The following CRACD variants were observed in gnomAD, a reference collection of about 807,000 sequenced individuals.
CRACD encodes capping protein-inhibiting regulator of actin dynamics.
In CRACD, 56 loss-of-function variants were observed where a neutral mutation model predicts 106.8. That is an observed-to-expected ratio of 0.52 (90% CI 0.42 to 0.66). The LOEUF is 0.66. Ranked by LOEUF, CRACD falls within the 30% of genes least tolerant of loss-of-function variation. The pLI, the probability that CRACD is intolerant of heterozygous loss-of-function variation, is 0.00. For synonymous variants in CRACD, 754 were observed against 670.8 expected, an observed-to-expected ratio of 1.12 and a Z score of -1.92; for missense variants, 1,730 against 1,623.2, an observed-to-expected ratio of 1.07 and a Z score of -1.13.
intron 1 of CRACD, among the ~76,000 whole-genome samples, chr4:56,160,245 C>T (rs150097975): frequency 0.013 from 1,960 of 148,584 alleles, 47 homozygotes; most frequent in African/African-American, 0.046. Flanking sequence ...TGCAGTGGCG[C>T]GATCTCCACT....
chr4:56,187,326 G>A (rs1287007026), intron 2 of CRACD, among the ~76,000 whole-genome samples: 10 of 152,098 alleles, frequency 6.6e-5, no homozygotes, highest in Admixed American at 2.6e-4. Flanking sequence ...CATTCGAGCT[G>A]TCTTGAAAGA....
intron 2 of CRACD, among the ~76,000 whole-genome samples, chr4:56,231,829 G>A (rs1029513631): frequency 6.6e-6 from 1 of 152,184 alleles, no homozygotes; most frequent in Non-Finnish European, 1.5e-5. Flanking sequence ...AACTCATCAA[G>A]TGTTAAAATG....
chr4:56,307,938 A>G (rs964304933), intron 5 of CRACD, among the ~76,000 whole-genome samples: 1 of 152,122 alleles, frequency 6.6e-6, no homozygotes, highest in African/African-American at 2.4e-5. Flanking sequence ...CTTACCCTTC[A>G]AGGCTTATGC....
At chr4:56,127,102 G>C (rs991721986) in intron 1 of CRACD, among the ~76,000 whole-genome samples, 1 of 152,132 alleles carries the variant, frequency 6.6e-6, no homozygotes, top group Non-Finnish European at 1.5e-5. Context: ...TTATGAAAGG[G>C]CTTGATGGAG....
chr4:56,066,402 G>A (rs1291579392), intron 1 of CRACD, among the ~76,000 whole-genome samples: 1 of 152,092 alleles, frequency 6.6e-6, no homozygotes, highest in African/African-American at 2.4e-5. Flanking sequence ...AAAATCACAG[G>A]TGTGGTGGCT....
intron 10 of CRACD, among the ~76,000 whole-genome samples, chr4:56,325,287 A>G (rs185912669): frequency 6.8e-4 from 104 of 152,344 alleles, no homozygotes; most frequent in Admixed American, 4.6e-3. Context: ...GTGAGCCGAG[A>G]TCGTGCCACT....
chr4:56,183,247 A>AAATAAAATAAAAT (rs1366966337), intron 2 of CRACD, among the ~76,000 whole-genome samples: 3 of 115,880 alleles, frequency 2.6e-5, no homozygotes, highest in African/African-American at 1.2e-4. Context: ...AAATAAAATA[A>AAATAAAATAAAAT]AATAAAATAA....
intron 2 of CRACD, among the ~76,000 whole-genome samples, chr4:56,227,064 C>T (rs1225510867): frequency 6.6e-6 from 1 of 152,106 alleles, no homozygotes; most frequent in Admixed American, 6.6e-5. Flanking sequence ...CCAAATAAAG[C>T]TCCTCTCTTT....
intron 1 of CRACD, among the ~76,000 whole-genome samples, chr4:56,103,866 C>T (rs541272426): frequency 7.2e-5 from 11 of 152,310 alleles, no homozygotes; most frequent in East Asian, 5.8e-4. Flanking sequence ...CTGCAATCTC[C>T]GCCTCCTGGG....
intron 1 of CRACD, among the ~76,000 whole-genome samples, chr4:56,135,704 C>T (rs1448908766): frequency 4.0e-5 from 6 of 150,018 alleles, no homozygotes; most frequent in Non-Finnish European, 7.5e-5. Context: ...GGATAGTGAA[C>T]AGTTCCACGC....
chr4:56,065,084 T>C (rs1025733010), intron 1 of CRACD, among the ~76,000 whole-genome samples: 1 of 151,456 alleles, frequency 6.6e-6, no homozygotes, highest in Non-Finnish European at 1.5e-5. Flanking sequence ...GAGTCTTTTT[T>C]AAATTTTTTT....
intron 1 of CRACD, among the ~76,000 whole-genome samples, chr4:56,059,497 C>A (rs1263508513): frequency 6.6e-6 from 1 of 152,060 alleles, no homozygotes; most frequent in African/African-American, 2.4e-5. Flanking sequence ...AGAAAATTTC[C>A]ATTTCCATCC....
chr4:56,288,095 C>G (rs1437597443), intron 3 of CRACD, among the ~76,000 whole-genome samples: 1 of 152,120 alleles, frequency 6.6e-6, no homozygotes, highest in Admixed American at 6.5e-5. Context: ...GTACCAGGAT[C>G]AGGTTTTCGA....
chr4:56,097,209 A>G (rs1195903591), intron 1 of CRACD, among the ~76,000 whole-genome samples: 2 of 152,164 alleles, frequency 1.3e-5, no homozygotes, highest in Non-Finnish European at 2.9e-5. Context: ...TGGCTCTATC[A>G]TCAGCTGAGA....
chr4:56,059,787 G>T (rs748132105), intron 1 of CRACD, among the ~76,000 whole-genome samples: 1 of 152,134 alleles, frequency 6.6e-6, no homozygotes, highest in Non-Finnish European at 1.5e-5. Context: ...AGGTTCAAGC[G>T]ATTCTTATGC....
intron 1 of CRACD, among the ~76,000 whole-genome samples, chr4:56,162,518 T>C (rs1735996803): frequency 6.6e-6 from 1 of 151,726 alleles, no homozygotes; most frequent in African/African-American, 2.4e-5. Flanking sequence ...GGCTTGAATT[T>C]TTAAATTGCA....
intron 1 of CRACD, among the ~76,000 whole-genome samples, chr4:56,141,325 G>A (rs977704152): frequency 5.3e-5 from 8 of 152,174 alleles, no homozygotes; most frequent in Non-Finnish European, 7.3e-5. Context: ...CTGACTGATC[G>A]TGAAACCCCG....
chr4:56,246,843 A>G (rs1268465802), intron 2 of CRACD: 5 of 152,234 alleles, frequency 3.3e-5, no homozygotes, highest in Non-Finnish European at 7.3e-5. Context: ...CCTTCATGGC[A>G]GCAGTTTTCT....
intron 3 of CRACD, among the ~76,000 whole-genome samples, chr4:56,293,814 T>C (rs139581056): frequency 1.3e-4 from 20 of 152,326 alleles, no homozygotes; most frequent in Admixed American, 3.3e-4. Context: ...CCTCCCACCA[T>C]TGGAGACTAC....
Sources: allele counts gnomAD v4.1 joint callset (sites outside exome capture counted in the v4.1 genomes callset), GRCh38; gene constraint gnomAD v4.1.1; transcripts MANE v1.5; gene names NCBI Gene and HGNC (gene_info 2026-07-23, HGNC 2026-07-21).